PRKCA: variants seen among roughly 807,000 people sequenced by gnomAD.
The protein encoded by PRKCA is protein kinase C alpha, also known as protein kinase C alpha type.
Under a neutral mutation model 87.0 loss-of-function variants are expected in PRKCA, and 27 were observed. The observed-to-expected ratio is 0.31, with a 90% CI of 0.23 to 0.43. The LOEUF is 0.43. Ranked by LOEUF, PRKCA falls within the 20% of genes least tolerant of loss-of-function variation. The probability of loss-of-function intolerance (pLI) is 1.00; values close to 1 mark genes in which losing one functional copy is unlikely to be tolerated. For synonymous variants in PRKCA, 329 were observed against 311.1 expected (o/e 1.06, Z -0.61); for missense variants, 518 against 852.3 (o/e 0.61, Z 4.88).
chr17:66,645,018 C>T (rs545710406), intron 4 of PRKCA, among the ~76,000 whole-genome samples: 4 of 152,058 alleles, frequency 2.6e-5, no homozygotes, highest in South Asian at 4.2e-4. Context: ...CTCTGTTTAA[C>T]ATTTTCATAT....
At chr17:66,713,104 C>T (rs1598891216) in intron 8 of PRKCA, among the ~76,000 whole-genome samples, 1 of 130,386 alleles carries the variant, frequency 7.7e-6, no homozygotes, top group Non-Finnish European at 1.5e-5. Flanking sequence ...CAGGCTGGAG[C>T]GCAATGGTGC....
At chr17:66,384,780 C>T (rs1262622287) in intron 2 of PRKCA, among the ~76,000 whole-genome samples, 1 of 152,078 alleles carries the variant, frequency 6.6e-6, no homozygotes, top group Non-Finnish European at 1.5e-5. Context: ...AGGTGCCCGT[C>T]ACCACACCTG....
chr17:66,775,197 C>T, intron 14 of PRKCA: 1 of 959,820 alleles, frequency 1.0e-6, no homozygotes, highest in Non-Finnish European at 1.2e-6. Flanking sequence ...TAGGACACTT[C>T]CGTGGCAAAG....
intron 2 of PRKCA, among the ~76,000 whole-genome samples, chr17:66,450,255 C>T (rs892926491): frequency 1.3e-5 from 2 of 152,066 alleles, no homozygotes; most frequent in African/African-American, 4.8e-5. Flanking sequence ...CAGGACAGAG[C>T]AGGGATGCCC....
At chr17:66,307,532 A>G (rs890059129) in intron 2 of PRKCA, among the ~76,000 whole-genome samples, 2 of 152,298 alleles carry the variant, frequency 1.3e-5, no homozygotes, top group African/African-American at 2.4e-5. Context: ...AATCTTCTCC[A>G]TACTGCTTGT....
chr17:66,681,301 T>A (rs1411347224), intron 5 of PRKCA, among the ~76,000 whole-genome samples: 1 of 152,136 alleles, frequency 6.6e-6, no homozygotes, highest in Non-Finnish European at 1.5e-5. Context: ...GTGGATCCAA[T>A]GGATCAAGGA....
chr17:66,437,160 A>T (rs1249366605), intron 2 of PRKCA, among the ~76,000 whole-genome samples: 26 of 152,170 alleles, frequency 1.7e-4, no homozygotes, highest in Non-Finnish European at 5.9e-5. Context: ...CATGTGGGAG[A>T]CCAGGTAGGG....
chr17:66,435,586 G>A (rs1913341943), intron 2 of PRKCA, among the ~76,000 whole-genome samples: 1 of 152,180 alleles, frequency 6.6e-6, no homozygotes, highest in African/African-American at 2.4e-5. Context: ...GGAGGGAGGA[G>A]GGAGAGGTGG....
At chr17:66,461,556 C>G (rs1914855510) in intron 2 of PRKCA, among the ~76,000 whole-genome samples, 1 of 152,142 alleles carries the variant, frequency 6.6e-6, no homozygotes, top group African/African-American at 2.4e-5. Context: ...TAGTTATCTC[C>G]TAATTCTGTG....
At chr17:66,436,026 C>A (rs1400321809) in intron 2 of PRKCA, among the ~76,000 whole-genome samples, 1 of 152,042 alleles carries the variant, frequency 6.6e-6, no homozygotes, top group Non-Finnish European at 1.5e-5. Context: ...ATCCATGGTG[C>A]AAATGGGTGG....
intron 2 of PRKCA, among the ~76,000 whole-genome samples, chr17:66,331,306 C>A (rs1209828958): frequency 1.3e-5 from 2 of 152,056 alleles, no homozygotes; most frequent in Non-Finnish European, 2.9e-5. Flanking sequence ...TAAACAGAAC[C>A]CCTTTGTACC....
chr17:66,306,082 T>C lies in PRKCA; in HGVS notation c.174-14T>C. On this transcript the variant is annotated splice_polypyrimidine_tract_variant and intron_variant, in intron 1 of 16. Transcript: ENST00000413366. Reference sequence around the variant, plus strand: ...AATATGTTAAGATATTTTGTTCTTGTTTTTGTTTTTCAGGGGGTTTGGGAA... The same window carrying C: ...AATATGTTAAGATATTTTGTTCTTGCTTTTGTTTTTCAGGGGGTTTGGGAA... 2 of 1,611,854 alleles carry C rather than the reference T, an allele frequency of 1.2e-6. No individual in the cohort carries two copies. The highest frequency in any genetic ancestry group is 1.7e-6 in the Non-Finnish European group (2 of 1,178,904).
intron 5 of PRKCA, among the ~76,000 whole-genome samples, chr17:66,658,998 A>G (rs1971813998): frequency 6.6e-6 from 1 of 152,240 alleles, no homozygotes; most frequent in Admixed American, 6.5e-5. Context: ...AGCTGAGGAT[A>G]TTAACCTTAA....
At chr17:66,334,032 C>T (rs1906512676) in intron 2 of PRKCA, among the ~76,000 whole-genome samples, 1 of 152,146 alleles carries the variant, frequency 6.6e-6, no homozygotes, top group Non-Finnish European at 1.5e-5. Context: ...GGGTGGATCA[C>T]CTGAGATCAG....
intron 13 of PRKCA, among the ~76,000 whole-genome samples, chr17:66,763,155 AT>A (rs1339333014): frequency 2.0e-5 from 3 of 152,186 alleles, no homozygotes; most frequent in Non-Finnish European, 4.4e-5. Context: ...AGCCCTTTTG[AT>A]TTTGCACTTT....
chr17:66,675,164 C>CG (rs1972292995), intron 5 of PRKCA, among the ~76,000 whole-genome samples: 1 of 152,200 alleles, frequency 6.6e-6, no homozygotes, highest in Admixed American at 6.5e-5. Context: ...GCTGGAGACT[C>CG]CAAGTTCAGG....
intron 2 of PRKCA, among the ~76,000 whole-genome samples, chr17:66,335,353 T>G (rs1598599164): frequency 6.6e-6 from 1 of 152,118 alleles, no homozygotes; most frequent in Non-Finnish European, 1.5e-5. Flanking sequence ...CAGGCTGGTC[T>G]CAAACTCCTG....
At chr17:66,403,692 A>G (rs979891492) in intron 2 of PRKCA, 4 of 152,238 alleles carry the variant, frequency 2.6e-5, no homozygotes, top group Non-Finnish European at 4.4e-5. Flanking sequence ...AGGAGAAGGC[A>G]TACAATACAG....
intron 1 of PRKCA, among the ~76,000 whole-genome samples, chr17:66,305,835 G>C (rs958060976): frequency 5.9e-5 from 9 of 152,042 alleles, no homozygotes; most frequent in African/African-American, 1.7e-4. Flanking sequence ...TTTTAGTATT[G>C]ATAACATAGT....
Sources: gnomAD v4.1 joint callset for allele counts (sites outside exome capture counted in the v4.1 genomes callset) on GRCh38, gnomAD v4.1.1 for gene constraint, MANE v1.5 for transcripts, NCBI Gene and HGNC (gene_info 2026-07-23, HGNC 2026-07-21) for gene names.